Variants in RAB30 observed in about 807,000 individuals in gnomAD.
RAB30 encodes the protein RAB30, member RAS oncogene family, also known as ras-related protein Rab-30.
A neutral mutation model predicts 25.1 loss-of-function variants in RAB30; 9 were observed. The observed-to-expected ratio is 0.36, with a 90% CI of 0.22 to 0.63. The LOEUF (loss-of-function observed/expected upper bound fraction) is 0.63. RAB30 is among the 20% of genes least tolerant of loss of function. The pLI is 0.69. For missense variants in RAB30, 140 were observed against 243.5 expected (o/e 0.58, Z 2.83); for synonymous variants, 77 against 86.4 (o/e 0.89, Z 0.60).
chr11:82,993,256 A>C (rs1445039011), intron 3 of RAB30, among the ~76,000 whole-genome samples: 1 of 152,106 alleles, frequency 6.6e-6, no homozygotes, highest in Non-Finnish European at 1.5e-5. Context: ...AGTGGGGTGT[A>C]CTGGTTGGTG....
At chr11:83,066,431 A>AT (rs34999038) in intron 1 of RAB30, among the ~76,000 whole-genome samples, 32,043 of 152,198 alleles carry the variant, frequency 0.21, 4,192 homozygotes, top group Admixed American at 0.28. Context: ...AATTAGAATG[A>AT]TTTTTTTGAG....
At chr11:83,002,476 A>G (rs1565272953) in intron 1 of RAB30, among the ~76,000 whole-genome samples, 1 of 152,210 alleles carries the variant, frequency 6.6e-6, no homozygotes, top group Non-Finnish European at 1.5e-5. Flanking sequence ...ATAGTTGTAA[A>G]TAAGTGGATA....
intron 1 of RAB30, among the ~76,000 whole-genome samples, chr11:83,010,228 A>C (rs1857275009): frequency 6.6e-6 from 1 of 152,198 alleles, no homozygotes; most frequent in South Asian, 2.1e-4. Flanking sequence ...AGAAGGAAGG[A>C]TCGCTTGAGG....
At chr11:83,033,927 A>G (rs952688787) in intron 1 of RAB30, among the ~76,000 whole-genome samples, 2 of 152,136 alleles carry the variant, frequency 1.3e-5, no homozygotes, top group African/African-American at 2.4e-5. Flanking sequence ...AGATCAGGCC[A>G]TTTTCATTAA....
At position 82,981,936 on chromosome 11, in the gene RAB30, C is replaced by T; in HGVS notation, c.*229G>A. The T allele has an allele frequency of 1.8e-6, 1 of 568,532 alleles. No individual in the cohort carries two copies. The highest frequency in any genetic ancestry group is 3.1e-6 in the Non-Finnish European group (1 of 323,486). 35.2% of individuals were successfully genotyped at this position (568,532 alleles called of 1,614,324 possible). ...TCTGCAGATCATGGAGTGCCTAGTG[C>T]AATTTTCTCCTTGCTCCAACTCCAG... On this transcript the variant is annotated 3_prime_UTR_variant, in exon 5 of 5. Coordinates refer to ENST00000527633, the MANE Select transcript of RAB30 (RefSeq NM_001286060.2).
At position 82,975,676 on chromosome 11, in the gene RAB30, A is replaced by G. The variant is rs1043336310; in HGVS notation, c.*6489T>C. The G allele has an allele frequency of 6.6e-6, 1 of 152,158 alleles. No individual in the cohort carries two copies. Among genetic ancestry groups the G allele is most frequent in the Non-Finnish European group, 1.5e-5 (1 of 68,002 alleles). The allele number at this position is 152,158 out of a possible 1,614,324, so 9.4% of individuals were successfully genotyped here. A position where few individuals can be genotyped will look rare whatever the true frequency, so the allele number is the denominator to read the frequency against. On this transcript the variant is annotated 3_prime_UTR_variant, in exon 5 of 5. Coordinates refer to ENST00000527633, the MANE Select transcript of RAB30 (RefSeq NM_001286060.2). The stretch of plus-strand genomic sequence containing the variant: ...TCTTCAGAAGCACACTTTGTTATCA[A>G]TTATGTAACTAAAGAATCAAAGTAT...
intron 2 of RAB30, 22 bp downstream of exon 2, chr11:82,997,202 G>T: frequency 1.3e-6 from 2 of 1,576,268 alleles, no homozygotes; most frequent in Non-Finnish European, 8.7e-7. Flanking sequence ...GGGCTTACGA[G>T]TTCCCTTACG....
chr11:83,002,259 G>T (rs1360606206), intron 1 of RAB30, among the ~76,000 whole-genome samples: 1 of 152,130 alleles, frequency 6.6e-6, no homozygotes, highest in African/African-American at 2.4e-5. Flanking sequence ...CACACTGATG[G>T]AGCCAGACAC....
chr11:83,041,195 C>CA (rs1158408440), intron 1 of RAB30: 4,982 of 140,928 alleles, frequency 0.035, 230 homozygotes, highest in African/African-American at 0.12. Context: ...AACTCTGTCT[C>CA]AAAAAAAAAA....
intron 1 of RAB30, among the ~76,000 whole-genome samples, chr11:83,061,000 A>T (rs1858561757): frequency 6.6e-6 from 1 of 151,932 alleles, no homozygotes; most frequent in African/African-American, 2.4e-5. Flanking sequence ...TGGCCTTTGG[A>T]CTCCAGGACT....
At chr11:83,020,686 C>G (rs571851961) in intron 1 of RAB30, among the ~76,000 whole-genome samples, 1 of 152,276 alleles carries the variant, frequency 6.6e-6, no homozygotes, top group Admixed American at 6.5e-5. Flanking sequence ...ACCCATGGAC[C>G]AATTGCATGC....
chr11:83,014,602 G>A (rs202006308), intron 1 of RAB30, among the ~76,000 whole-genome samples: 1 of 60,878 alleles, frequency 1.6e-5, no homozygotes, highest in Non-Finnish European at 2.9e-5. Context: ...AGAGGCAGAG[G>A]CAGAGAGAGA....
intron 1 of RAB30, among the ~76,000 whole-genome samples, chr11:83,009,222 T>C (rs1179551317): frequency 2.0e-5 from 3 of 152,028 alleles, no homozygotes; most frequent in Admixed American, 6.6e-5. Flanking sequence ...CCCGCCACCA[T>C]GCCTGGCTAA....
At chr11:82,991,256 G>T (rs1042856221) in intron 3 of RAB30, among the ~76,000 whole-genome samples, 1 of 152,170 alleles carries the variant, frequency 6.6e-6, no homozygotes, top group African/African-American at 2.4e-5. Context: ...TGTAATCCCA[G>T]CACTGTGGGA....
chr11:83,029,561 C>G (rs1480836061), intron 1 of RAB30, among the ~76,000 whole-genome samples: 1 of 152,060 alleles, frequency 6.6e-6, no homozygotes, highest in African/African-American at 2.4e-5. Flanking sequence ...ACCTTAGCAT[C>G]CAGGCTGTTT....
chr11:83,036,249 C>T (rs1857985565), intron 1 of RAB30, among the ~76,000 whole-genome samples: 1 of 151,806 alleles, frequency 6.6e-6, no homozygotes, highest in Admixed American at 6.6e-5. Context: ...TCACTGCAAC[C>T]TCCACCTCCC....
At chr11:82,990,243 T>C (rs370661298) in intron 3 of RAB30, among the ~76,000 whole-genome samples, 1 of 152,250 alleles carries the variant, frequency 6.6e-6, no homozygotes, top group African/African-American at 2.4e-5. Context: ...GGTTTACTAC[T>C]CTACTACTGA....
intron 1 of RAB30, among the ~76,000 whole-genome samples, chr11:83,056,081 C>A (rs1376097339): frequency 6.6e-6 from 1 of 152,164 alleles, no homozygotes; most frequent in Non-Finnish European, 1.5e-5. Flanking sequence ...GTATACAGTT[C>A]AATAACATGA....
rs1435189930 is a variant in RAB30, at chr11:82,978,129, A to G, written c.*4036T>C. The G allele has an allele frequency of 1.3e-5, 2 of 152,184 alleles. No homozygotes were observed. The highest frequency in any genetic ancestry group is 2.9e-5 in the Non-Finnish European group (2 of 68,012). The allele number at this position is 152,184 out of a possible 1,614,324, so 9.4% of individuals were successfully genotyped here. ...TTTCACAGCTTTTAATTCTTTAGCG[A>G]AGTCTCAAAAGTATCATAGTATAAA... On this transcript the variant is annotated 3_prime_UTR_variant, in exon 5 of 5. Coordinates refer to ENST00000527633, the MANE Select transcript of RAB30 (RefSeq NM_001286060.2).
Sources: gnomAD v4.1 joint callset for allele counts (sites outside exome capture counted in the v4.1 genomes callset) on GRCh38, gnomAD v4.1.1 for gene constraint, MANE v1.5 for transcripts, NCBI Gene and HGNC (gene_info 2026-07-23, HGNC 2026-07-21) for gene names.